The following NRXN3 variants were observed in gnomAD, a reference collection of about 807,000 sequenced individuals.
The protein encoded by NRXN3 is neurexin 3.
In NRXN3, 32 loss-of-function variants were observed where a neutral mutation model predicts 137.6. That is an observed-to-expected ratio of 0.23 (90% confidence interval 0.18 to 0.31). The LOEUF is 0.31. NRXN3 is among the 10% of genes least tolerant of loss of function. The pLI, the probability that NRXN3 is intolerant of heterozygous loss-of-function variation, is 1.00. For missense variants in NRXN3, 1,574 were observed against 2,062.5 expected, an observed-to-expected ratio of 0.76 and a Z score of 4.59; for synonymous variants, 798 against 784.5, an observed-to-expected ratio of 1.02 and a Z score of -0.29.
intron 10 of NRXN3, among the ~76,000 whole-genome samples, chr14:78,914,974 A>T (rs951535033): frequency 5.3e-5 from 8 of 152,176 alleles, no homozygotes; most frequent in Admixed American, 3.9e-4. Context: ...AACAAATGGT[A>T]CAACTTAGCA....
intron 6 of NRXN3, among the ~76,000 whole-genome samples, chr14:78,658,726 T>C (rs2097806035): frequency 6.6e-6 from 1 of 152,252 alleles, no homozygotes; most frequent in Admixed American, 6.5e-5. Context: ...CACACATTAT[T>C]GCTTTGGGTA....
At chr14:79,573,802 T>C (rs2097637882) in intron 16 of NRXN3, among the ~76,000 whole-genome samples, 1 of 152,108 alleles carries the variant, frequency 6.6e-6, no homozygotes, top group Non-Finnish European at 1.5e-5. Context: ...TTTTATCAAT[T>C]CCCTCTACAG....
intron 6 of NRXN3, among the ~76,000 whole-genome samples, chr14:78,671,877 C>T (rs1470882506): frequency 6.6e-6 from 1 of 152,080 alleles, no homozygotes; most frequent in Non-Finnish European, 1.5e-5. Flanking sequence ...CTTTGAGACA[C>T]CAAAGAATAT....
At chr14:78,849,455 C>T (rs1395801674) in intron 10 of NRXN3, among the ~76,000 whole-genome samples, 1 of 151,972 alleles carries the variant, frequency 6.6e-6, no homozygotes, top group Non-Finnish European at 1.5e-5. Context: ...ATATTTGGAC[C>T]AGATGACACC....
intron 4 of NRXN3, among the ~76,000 whole-genome samples, chr14:78,573,676 T>C (rs1442899637): frequency 6.6e-6 from 1 of 152,202 alleles, no homozygotes; most frequent in African/African-American, 2.4e-5. Context: ...TTCAGTTATA[T>C]GTATTCACAA....
chr14:78,187,781 G>GTTTTTTTTT (rs58649555), intron 1 of NRXN3, among the ~76,000 whole-genome samples: 1 of 133,740 alleles, frequency 7.5e-6, no homozygotes, highest in Non-Finnish European at 1.6e-5. Context: ...GATTTTAGTT[G>GTTTTTTTTT]TTTTTTTTTT....
chr14:78,390,421 A>G (rs896397866), intron 4 of NRXN3, among the ~76,000 whole-genome samples: 1 of 152,194 alleles, frequency 6.6e-6, no homozygotes, highest in Non-Finnish European at 1.5e-5. Flanking sequence ...TTAGACTAGG[A>G]ATTCAAGTAG....
chr14:78,494,795 C>T (rs925343073), intron 4 of NRXN3, among the ~76,000 whole-genome samples: 2 of 152,136 alleles, frequency 1.3e-5, no homozygotes, highest in Non-Finnish European at 1.5e-5. Context: ...TTAACACAGA[C>T]TTTTTGTTGT....
Position 79,467,257 on chromosome 14 carries a change from T to G in NRXN3, c.3299T>G (p.Leu1100Arg). The G allele has an allele frequency of 6.2e-7, 1 of 1,610,266 alleles. No homozygotes were observed. The highest frequency in any genetic ancestry group is 8.5e-7 in the Non-Finnish European group (1 of 1,176,812). The change falls in exon 16 of 21, where the codon CTT (leucine) becomes CGT (arginine). Residue 1100 changes from leucine to arginine, a missense_variant. Physicochemically the swap from Leu to Arg is moderately radical, Grantham distance 102 (BLOSUM62 -2). This residue lies in a region of NRXN3 where 133 missense variants were observed against 241.8 expected (regional missense o/e 0.55). Transcript: ENST00000335750. Reference sequence around the variant, plus strand: ...TACATCTTTGGGAAAAGTGGTGGGCTTATCCTCTACACCTGGCCAGCCAAT... The same window carrying G: ...TACATCTTTGGGAAAAGTGGTGGGCGTATCCTCTACACCTGGCCAGCCAAT... The part of the protein sequence containing the change: ...ATYIFGKSGG[L>R]ILYTWPANDR...
intron 10 of NRXN3, 116 bp downstream of exon 10, chr14:78,810,460 T>C (rs1215365692): frequency 5.0e-6 from 1 of 200,656 alleles, no homozygotes; most frequent in African/African-American, 3.1e-5. Context: ...CTTTTAACAA[T>C]GGAGTGGGGG....
intron 20 of NRXN3, among the ~76,000 whole-genome samples, chr14:79,833,134 G>A (rs1234996156): frequency 6.6e-6 from 1 of 152,090 alleles, no homozygotes; most frequent in African/African-American, 2.4e-5. Flanking sequence ...TAAGTTGTTT[G>A]GATCACATTA....
At chr14:78,541,023 C>T (rs749341801) in intron 4 of NRXN3, among the ~76,000 whole-genome samples, 2 of 152,090 alleles carry the variant, frequency 1.3e-5, no homozygotes, top group African/African-American at 2.4e-5. Context: ...GTGGGTAACT[C>T]GGCTTTTCTC....
intron 16 of NRXN3, chr14:79,661,611 T>C (rs148974081): frequency 6.6e-6 from 1 of 152,282 alleles, no homozygotes; most frequent in African/African-American, 2.4e-5. Context: ...GCTTAATAAA[T>C]TTTGTATTTG....
chr14:78,317,443 G>A (rs1161446930), intron 4 of NRXN3, among the ~76,000 whole-genome samples: 1 of 152,200 alleles, frequency 6.6e-6, no homozygotes, highest in East Asian at 1.9e-4. Flanking sequence ...TCCAGGTTGT[G>A]TGTTCCTTAT....
At chr14:78,724,538 C>G (rs1178668684) in intron 8 of NRXN3, among the ~76,000 whole-genome samples, 2 of 151,806 alleles carry the variant, frequency 1.3e-5, no homozygotes, top group South Asian at 4.2e-4. Flanking sequence ...AATGAGTGGT[C>G]AATAGAATAG....
At chr14:79,673,724 C>T (rs2098624817) in intron 17 of NRXN3, among the ~76,000 whole-genome samples, 1 of 152,020 alleles carries the variant, frequency 6.6e-6, no homozygotes, top group Admixed American at 6.6e-5. Context: ...AAAAATGAAA[C>T]ACAGCTCCTG....
chr14:78,666,193 T>A (rs1214638638), intron 6 of NRXN3, among the ~76,000 whole-genome samples: 1 of 152,234 alleles, frequency 6.6e-6, no homozygotes, highest in Non-Finnish European at 1.5e-5. Context: ...ATTCACACGG[T>A]TGTACACAGA....
intron 15 of NRXN3, among the ~76,000 whole-genome samples, chr14:79,371,016 A>G (rs1048780614): frequency 6.6e-6 from 1 of 152,214 alleles, no homozygotes; most frequent in African/African-American, 2.4e-5. Context: ...AAATTGTATC[A>G]GCTAATGAGA....
rs1169871407 is a variant in NRXN3 at position 79,469,111 on chromosome 14, G to T, written c.3444+1709G>T. Among the ~76,000 whole-genome samples, 3 of 152,112 alleles carry T rather than the reference G, an allele frequency of 2.0e-5. No homozygotes were observed. The East Asian group carries it at 5.8e-4, about 29-fold the overall frequency. ...CTAGGCTGTTATTACCAGCTCACTTGCATTTCCACAGTGATTTATCTTCTT... is the reference window on the plus strand; with the variant it reads ...CTAGGCTGTTATTACCAGCTCACTTTCATTTCCACAGTGATTTATCTTCTT... On this transcript the variant is annotated intron_variant, in intron 16 of 20. Transcript: ENST00000335750.
Sources: allele counts gnomAD v4.1 joint callset (sites outside exome capture counted in the v4.1 genomes callset), GRCh38; gene constraint gnomAD v4.1.1; regional missense constraint gnomAD v4.1.1; transcripts MANE v1.5; gene names NCBI Gene and HGNC (gene_info 2026-07-23, HGNC 2026-07-21).